The following NOVA2 variants were observed in gnomAD, a reference collection of about 807,000 sequenced individuals.
NOVA2 encodes NOVA alternative splicing regulator 2.
NOVA2 carries 9 observed loss-of-function variants against 22.5 expected under a neutral mutation model. The ratio of observed to expected loss-of-function variants is 0.40; its 90% CI spans 0.24 to 0.70. The LOEUF is 0.70. NOVA2 is among the 30% of genes least tolerant of loss of function. NOVA2 has a pLI of 0.38. For synonymous variants in NOVA2, 318 were observed against 335.2 expected (o/e 0.95, Z 0.56); for missense variants, 383 against 682.8 (o/e 0.56, Z 4.89).
intron 3 of NOVA2, among the ~76,000 whole-genome samples, chr19:45,952,806 C>T (rs1967945680): frequency 6.6e-6 from 1 of 152,226 alleles, no homozygotes; most frequent in Non-Finnish European, 1.5e-5. Context: ...CACCCTGCAG[C>T]TCTCCTCCAG....
chr19:45,955,529 T>C (rs767008166), intron 2 of NOVA2, among the ~76,000 whole-genome samples: 4 of 152,136 alleles, frequency 2.6e-5, no homozygotes, highest in East Asian at 1.9e-4. Flanking sequence ...TGTGTCTCTC[T>C]CTCTTTGAAG....
intron 1 of NOVA2, chr19:45,962,306 C>A (rs1462080841): frequency 2.0e-5 from 3 of 152,818 alleles, no homozygotes; most frequent in Non-Finnish European, 1.5e-5. Flanking sequence ...GCTTTGTGAG[C>A]TTGATCTCGT....
rs187723141 is a variant in NOVA2, at chr19:45,955,328, T to C, written c.230-1382A>G. 5.9e-3 allele frequency among the ~76,000 whole-genome samples: 902 copies of C among 152,304 alleles called. 7 individuals carry two copies. The highest frequency in any genetic ancestry group is 0.021 in the African/African-American group (870 of 41,556). Reference sequence around the variant, plus strand: ...GGAAAGACCCTATGACCAGTGTGTGTGAACCTGAGAAGGAGAGACAGACAG... The same window carrying C: ...GGAAAGACCCTATGACCAGTGTGTGCGAACCTGAGAAGGAGAGACAGACAG... On this transcript the variant is annotated intron_variant, in intron 2 of 3. Transcript: ENST00000263257.
chr19:45,939,974 C>T lies in NOVA2; in HGVS notation c.1368G>A (p.Arg456=). The T allele has an allele frequency of 1.2e-6, 2 of 1,614,102 alleles. No homozygotes were observed. The highest frequency in any genetic ancestry group is 1.1e-5 in the South Asian group (1 of 91,086). ...GEFLPGTRNR[R]VTITGSPAAT... is the part of the protein sequence containing the mutation. The stretch of plus-strand genomic sequence containing the variant: ...CCGCGGGGCTGCCCGTGATGGTGAC[C>T]CGCCGGTTCCGCGTGCCTGGCAGGA... The change falls in exon 4 of 4, where the codon CGG becomes CGA. Residue 456 remains arginine, a synonymous_variant. Coordinates refer to ENST00000263257, the MANE Select transcript of NOVA2 (RefSeq NM_002516.4).
chr19:45,945,825 T>A (rs1182087272), intron 3 of NOVA2, among the ~76,000 whole-genome samples: 1 of 150,300 alleles, frequency 6.7e-6, no homozygotes, highest in African/African-American at 2.5e-5. Flanking sequence ...CTGACTTTAT[T>A]ATTATTATTA....
At chr19:45,954,364 A>G (rs1375664244) in intron 2 of NOVA2, among the ~76,000 whole-genome samples, 1 of 152,152 alleles carries the variant, frequency 6.6e-6, no homozygotes, top group Admixed American at 6.5e-5. Flanking sequence ...CGGTTGCCAC[A>G]GTAACTGGAA....
At chr19:45,950,362 T>C (rs111899240) in intron 3 of NOVA2, among the ~76,000 whole-genome samples, 2,585 of 152,108 alleles carry the variant, frequency 0.017, 72 homozygotes, top group African/African-American at 0.059. Flanking sequence ...GGTTTTGCCA[T>C]GTTGGCCACG....
Position 45,973,814 on chromosome 19 carries a change from G to C in NOVA2, c.-463C>G, listed in dbSNP as rs530347628. On this transcript the variant is annotated 5_prime_UTR_variant, in exon 1 of 4. Transcript: ENST00000263257. ...GGCTGGGGACTGGACGCGCCACTGG[G>C]GGGACGGGACTCCCCGCTTCTTCTT... 1.2e-3 allele frequency among the ~76,000 whole-genome samples: 178 copies of C among 151,644 alleles called. 3 individuals are homozygous for C. The East Asian group carries it at 0.033, about 28-fold the overall frequency.
rs750854209 is a variant in NOVA2, at chr19:45,939,813, AGAG to A, written c.*47_*49del. On this transcript the variant is annotated 3_prime_UTR_variant, in exon 4 of 4. Coordinates refer to ENST00000263257, the MANE Select transcript of NOVA2 (RefSeq NM_002516.4). ...GAGTTGGGGGGGAGGAGGAGAGGGA[AGAG>A]GAGGAGATGGGAGGAGAGAAAAGGG... 3 of 1,601,366 alleles carry A rather than the reference AGAG, an allele frequency of 1.9e-6. No homozygotes were observed. The highest frequency in any genetic ancestry group is 2.3e-5 in the East Asian group (1 of 44,352).
intron 1 of NOVA2, among the ~76,000 whole-genome samples, chr19:45,970,723 G>C (rs1466340590): frequency 6.6e-6 from 1 of 152,072 alleles, no homozygotes; most frequent in Admixed American, 6.6e-5. Flanking sequence ...GGACACTGAG[G>C]CTCAGAAAAG....
intron 2 of NOVA2, among the ~76,000 whole-genome samples, chr19:45,958,057 A>G: frequency 6.8e-6 from 1 of 147,906 alleles, no homozygotes; most frequent in East Asian, 2.0e-4. Context: ...GGTTGCAGTG[A>G]GCCGAGATCA....
chr19:45,958,448 C>A (rs1387533775), intron 2 of NOVA2, among the ~76,000 whole-genome samples: 1 of 146,540 alleles, frequency 6.8e-6, no homozygotes, highest in Non-Finnish European at 1.5e-5. Flanking sequence ...GCACGTGTGA[C>A]AATGTGTGTG....
intron 2 of NOVA2, among the ~76,000 whole-genome samples, chr19:45,958,353 CTGTG>C (rs572028267): frequency 5.8e-4 from 85 of 145,962 alleles, no homozygotes; most frequent in Admixed American, 1.1e-3. Context: ...CACCCAAGTG[CTGTG>C]TGTGTGTGTG....
In NOVA2 at chr19:45,940,369, TGGCGGC is replaced by T. The variant is rs771592016; in HGVS notation, c.967_972del (p.Ala323_Ala324del). 2.1e-6 allele frequency: 3 copies of T among 1,395,792 alleles called. No individual in the cohort carries two copies. The highest frequency in any genetic ancestry group is 2.8e-5 in the Admixed American group (1 of 36,242). The allele number at this position is 1,395,792 out of a possible 1,614,324, so 86.5% of individuals were successfully genotyped here. On this transcript the variant is annotated inframe_deletion, in exon 4 of 4. Transcript: ENST00000263257. ...TCGCCCGCGTAGGATGCCAGGAGGT[TGGCGGC>T]GGCGGCGGCTGCTGGGTTGGCCCCG... is the stretch of plus-strand genomic sequence containing the variant.
Position 45,938,867 on chromosome 19 carries a change from G to T in NOVA2, c.*996C>A, listed in dbSNP as rs1439928707. 1 of 152,214 alleles carries T rather than the reference G, an allele frequency of 6.6e-6. No individual in the cohort carries two copies. The highest frequency in any genetic ancestry group is 2.4e-5 in the African/African-American group (1 of 41,434). 9.4% of individuals were successfully genotyped at this position (152,214 alleles called of 1,614,324 possible). On this transcript the variant is annotated 3_prime_UTR_variant, in exon 4 of 4. Transcript: ENST00000263257. The stretch of plus-strand genomic sequence containing the variant: ...ATGACATCACAGGACGTGACCTCTA[G>T]GCATCACCGGAAGTACACCTTCCCA...
At chr19:45,948,833 T>C (rs990826059) in intron 3 of NOVA2, among the ~76,000 whole-genome samples, 1 of 152,118 alleles carries the variant, frequency 6.6e-6, no homozygotes, top group Non-Finnish European at 1.5e-5. Context: ...GACTTGTACA[T>C]GAATGTTCAG....
At chr19:45,972,404 A>G (rs1968244227) in intron 1 of NOVA2, among the ~76,000 whole-genome samples, 1 of 151,706 alleles carries the variant, frequency 6.6e-6, no homozygotes, top group Non-Finnish European at 1.5e-5. Flanking sequence ...TCTGATCTAC[A>G]CGGCCTCTTC....
intron 3 of NOVA2, among the ~76,000 whole-genome samples, chr19:45,950,271 G>A (rs1967904877): frequency 6.6e-6 from 1 of 151,108 alleles, no homozygotes; most frequent in East Asian, 1.9e-4. Flanking sequence ...CGATTCTTCT[G>A]CCTCAGCCTC....
intron 3 of NOVA2, among the ~76,000 whole-genome samples, chr19:45,950,105 C>A (rs1425241199): frequency 6.6e-6 from 1 of 151,640 alleles, no homozygotes; most frequent in Non-Finnish European, 1.5e-5. Flanking sequence ...TGTGCCTTAC[C>A]TTTCTCATCT....
Sources: gnomAD v4.1 joint callset for allele counts (sites outside exome capture counted in the v4.1 genomes callset) on GRCh38, gnomAD v4.1.1 for gene constraint, MANE v1.5 for transcripts, NCBI Gene and HGNC (gene_info 2026-07-23, HGNC 2026-07-21) for gene names.